Variants in PPP2R5E observed in about 807,000 individuals in gnomAD.
The protein encoded by PPP2R5E is protein phosphatase 2 regulatory subunit B'epsilon.
In PPP2R5E, 4 loss-of-function variants were observed where a neutral mutation model predicts 65.3. That is an observed-to-expected ratio of 0.06 (90% CI 0.03 to 0.14). The LOEUF is 0.14. PPP2R5E is among the 10% of genes least tolerant of loss of function. The pLI is 1.00. For missense variants in PPP2R5E, 274 were observed against 556.1 expected (o/e 0.49, Z 5.10); for synonymous variants, 183 against 187.4 (o/e 0.98, Z 0.19).
chr14:63,400,166 G>A (rs1489601737), intron 5 of PPP2R5E, among the ~76,000 whole-genome samples: 2 of 152,178 alleles, frequency 1.3e-5, no homozygotes, highest in Admixed American at 1.3e-4. Context: ...TTTATGGTGT[G>A]CTTATTAAAA....
chr14:63,443,285 A>G (rs1361973714), intron 3 of PPP2R5E, among the ~76,000 whole-genome samples: 1 of 152,250 alleles, frequency 6.6e-6, no homozygotes. Context: ...TAACTTTGGA[A>G]AATTACATAT....
chr14:63,454,891 G>A (rs117662281), intron 2 of PPP2R5E, among the ~76,000 whole-genome samples: 3,152 of 152,288 alleles, frequency 0.021, 47 homozygotes, highest in Non-Finnish European at 0.032. Context: ...AGAAGCAGGT[G>A]GCATTATTCT....
chr14:63,430,377 G>GCATGCATACATACATACATA (rs1887587508), intron 3 of PPP2R5E, among the ~76,000 whole-genome samples: 3 of 136,950 alleles, frequency 2.2e-5, no homozygotes, highest in African/African-American at 9.6e-5. Flanking sequence ...ATACATGCAT[G>GCATGCATACATACATACATA]CATACATACA....
intron 3 of PPP2R5E, among the ~76,000 whole-genome samples, chr14:63,441,847 T>C (rs1888254961): frequency 1.3e-5 from 2 of 150,932 alleles, no homozygotes; most frequent in Admixed American, 1.3e-4. Flanking sequence ...GAGGTGGAGC[T>C]TGCCGTGAGC....
intron 5 of PPP2R5E, among the ~76,000 whole-genome samples, chr14:63,397,067 G>A (rs1885436670): frequency 6.6e-6 from 1 of 152,150 alleles, no homozygotes; most frequent in Non-Finnish European, 1.5e-5. Flanking sequence ...GAGGAAACTG[G>A]GGCACATAGG....
chr14:63,509,876 G>C (rs1337878303), intron 2 of PPP2R5E, among the ~76,000 whole-genome samples: 2 of 152,158 alleles, frequency 1.3e-5, no homozygotes, highest in African/African-American at 2.4e-5. Flanking sequence ...TTGGTACGTA[G>C]ATCTGAGTAT....
chr14:63,405,238 A>G (rs1885995474), intron 5 of PPP2R5E, among the ~76,000 whole-genome samples: 1 of 152,238 alleles, frequency 6.6e-6, no homozygotes, highest in African/African-American at 2.4e-5. Flanking sequence ...CTTACTTGCT[A>G]TAGGCTGTGA....
chr14:63,402,725 T>C (rs1046754545), intron 5 of PPP2R5E, among the ~76,000 whole-genome samples: 13 of 151,636 alleles, frequency 8.6e-5, no homozygotes, highest in African/African-American at 2.9e-4. Flanking sequence ...AAAACAGAGA[T>C]AATATATAGA....
At chr14:63,533,579 A>G (rs898919080) in intron 2 of PPP2R5E, among the ~76,000 whole-genome samples, 18 of 151,900 alleles carry the variant, frequency 1.2e-4, no homozygotes, top group African/African-American at 4.4e-4. Flanking sequence ...TAGTTGTAAG[A>G]ATATCTAAAA....
chr14:63,529,600 A>G (rs919554142), intron 2 of PPP2R5E, among the ~76,000 whole-genome samples: 36 of 136,074 alleles, frequency 2.6e-4, no homozygotes, highest in African/African-American at 9.7e-4. Flanking sequence ...GATGGTCTCG[A>G]TCTCCTGACC....
At chr14:63,396,500 A>C (rs1885405776) in intron 6 of PPP2R5E, 86 bp downstream of exon 6, 2 of 1,503,384 alleles carry the variant, frequency 1.3e-6, no homozygotes. Flanking sequence ...AAGTCAGTAC[A>C]CCGTTTTCAG....
intron 3 of PPP2R5E, among the ~76,000 whole-genome samples, chr14:63,446,546 T>TC (rs1345866098): frequency 2.0e-5 from 3 of 151,942 alleles, no homozygotes; most frequent in African/African-American, 7.3e-5. Flanking sequence ...AAAACAACAT[T>TC]CGGCCGGGCA....
chr14:63,482,690 T>G (rs560453949), intron 2 of PPP2R5E, among the ~76,000 whole-genome samples: 2 of 152,302 alleles, frequency 1.3e-5, no homozygotes, highest in South Asian at 4.2e-4. Context: ...ACAAAACATT[T>G]TATCTGAATG....
chr14:63,464,806 T>C (rs905055682), intron 2 of PPP2R5E, among the ~76,000 whole-genome samples: 1 of 152,108 alleles, frequency 6.6e-6, no homozygotes, highest in Admixed American at 6.5e-5. Context: ...GCGGATTACC[T>C]GAGGTCAGGA....
At chr14:63,449,315 G>T (rs979936157) in intron 3 of PPP2R5E, among the ~76,000 whole-genome samples, 1 of 152,204 alleles carries the variant, frequency 6.6e-6, no homozygotes, top group Admixed American at 6.5e-5. Flanking sequence ...AGTATTTTAA[G>T]TACAAAGAAG....
At chr14:63,414,158 T>C (rs1291887101) in intron 5 of PPP2R5E, among the ~76,000 whole-genome samples, 1 of 152,126 alleles carries the variant, frequency 6.6e-6, no homozygotes, top group Non-Finnish European at 1.5e-5. Flanking sequence ...TTGGCTATGG[T>C]TCAACCTATA....
intron 4 of PPP2R5E, among the ~76,000 whole-genome samples, chr14:63,421,202 C>T (rs147972915): frequency 7.1e-4 from 108 of 151,378 alleles, no homozygotes; most frequent in African/African-American, 2.5e-3. Context: ...TGCTATTTGT[C>T]GAGCAACCTA....
At position 63,393,798 on chromosome 14, in the gene PPP2R5E, T is replaced by C. The variant is rs1885165615; in HGVS notation, c.849+22A>G. The stretch of plus-strand genomic sequence containing the variant: ...AAACTTTTTATTTTGCTTCTAAAAG[T>C]AGTTGTACAAAATCCTCCTACCTGT... On this transcript the variant is annotated intron_variant, in intron 8 of 13. Coordinates refer to ENST00000337537, the MANE Select transcript of PPP2R5E (RefSeq NM_006246.5). The C allele has an allele frequency of 1.3e-5, 18 of 1,432,342 alleles. No homozygotes were observed. The East Asian group carries it at 4.1e-4, about 33-fold the overall frequency. 88.7% of individuals were successfully genotyped at this position (1,432,342 alleles called of 1,614,324 possible).
In PPP2R5E at chr14:63,384,530, G is replaced by A. The variant is rs1884545746; in HGVS notation, c.1116C>T (p.Ile372=). 2.5e-6 allele frequency: 4 copies of A among 1,613,484 alleles called. No individual in the cohort carries two copies. The Admixed American group carries it at 6.7e-5, about 27-fold the overall frequency. Residue 372 remains isoleucine, a synonymous_variant, in exon 12 of 14, where the codon ATC becomes ATT. Coordinates refer to ENST00000337537, the MANE Select transcript of PPP2R5E (RefSeq NM_006246.5). Reference sequence around the variant, plus strand: ...TAGAGTTTTCTTCTATCAAACTCATGATGTATTCATTATTCCAATAATAGA... The same window carrying A: ...TAGAGTTTTCTTCTATCAAACTCATAATGTATTCATTATTCCAATAATAGA... ...RALYYWNNEY[I]MSLIEENSNV...
Sources: allele counts gnomAD v4.1 joint callset (sites outside exome capture counted in the v4.1 genomes callset), GRCh38; gene constraint gnomAD v4.1.1; transcripts MANE v1.5; gene names NCBI Gene and HGNC (gene_info 2026-07-23, HGNC 2026-07-21).